USO1: variants seen among roughly 807,000 people sequenced by gnomAD.
USO1 encodes general vesicular transport factor p115.
USO1 carries 57 observed loss-of-function variants against 124.5 expected under a neutral mutation model. That is an observed-to-expected ratio of 0.46 (90% CI 0.37 to 0.57). The LOEUF is 0.57. USO1 is among the 20% of genes least tolerant of loss of function. The pLI, the probability that USO1 is intolerant of heterozygous loss-of-function variation, is 0.00. For synonymous variants in USO1, 369 were observed against 362.8 expected (o/e 1.02, Z -0.19); for missense variants, 900 against 1,040.6 (o/e 0.86, Z 1.86).
chr4:75,813,094 C>T (rs749678916), intron 23 of USO1, 112 bp from the exon 24 acceptor site: 30 of 1,129,620 alleles, frequency 2.7e-5, no homozygotes, highest in Admixed American at 3.6e-5. Context: ...GCCTGGGTAA[C>T]GAGCAAAACT....
intron 8 of USO1, among the ~76,000 whole-genome samples, chr4:75,776,239 C>CT (rs1722070500): frequency 6.6e-6 from 1 of 152,146 alleles, no homozygotes; most frequent in African/African-American, 2.4e-5. Context: ...CTTCAACATG[C>CT]TGACTCTAAG....
At chr4:75,779,372 A>G (rs539072849) in intron 8 of USO1, among the ~76,000 whole-genome samples, 4 of 152,370 alleles carry the variant, frequency 2.6e-5, no homozygotes, top group African/African-American at 9.6e-5. Flanking sequence ...TGCTGAAGAT[A>G]CAGAGGAAGG....
intron 8 of USO1, 59 bp from the exon 9 acceptor site, chr4:75,782,621 G>A (rs923571900): frequency 6.7e-7 from 1 of 1,494,674 alleles, no homozygotes; most frequent in East Asian, 2.5e-5. Context: ...AAAAATGTTT[G>A]GGAGTTTTGC....
In USO1 at chr4:75,728,959, G is replaced by A. The variant is rs998852301; in HGVS notation, c.66+4074G>A. 5.3e-5 allele frequency among the ~76,000 whole-genome samples: 8 copies of A among 151,848 alleles called. No individual in the cohort carries two copies. The South Asian group carries it at 6.2e-4, about 12-fold the overall frequency. The stretch of plus-strand genomic sequence containing the variant: ...GACTACAGGTGTCTGCCACCACACC[G>A]GCTAATTTTTGTATTTTTAGTGGAG... On this transcript the variant is annotated intron_variant, in intron 1 of 23. Coordinates refer to ENST00000514213, the MANE Select transcript of USO1 (RefSeq NM_003715.4).
Position 75,782,866 on chromosome 4 carries a change from ATCCTT to A in USO1, c.855+9_855+13del, listed in dbSNP as rs759280543. 2.6e-6 allele frequency: 4 copies of A among 1,556,872 alleles called. No homozygotes were observed. The highest frequency in any genetic ancestry group is 3.4e-6 in the Non-Finnish European group (4 of 1,162,386). On this transcript the variant is annotated intron_variant, in intron 9 of 23. Transcript: ENST00000514213. ...CTACATCTAATGCTACAGGTATACTATCCTTAGACATAAATGTGGTAAGAATTTTG... is the reference window on the plus strand; with the variant it reads ...CTACATCTAATGCTACAGGTATACTAAGACATAAATGTGGTAAGAATTTTG...
intron 1 of USO1, among the ~76,000 whole-genome samples, chr4:75,729,273 C>T (rs1206121314): frequency 2.0e-5 from 3 of 151,920 alleles, no homozygotes; most frequent in African/African-American, 7.3e-5. Context: ...CCACCAGGGA[C>T]TTCATGCTTT....
chr4:75,754,850 T>G (rs1327770923), intron 3 of USO1, among the ~76,000 whole-genome samples: 1 of 152,232 alleles, frequency 6.6e-6, no homozygotes, highest in African/African-American at 2.4e-5. Context: ...ACAAATTACT[T>G]CAAAACTTAG....
At chr4:75,795,559 A>G (rs1722654081) in intron 13 of USO1, among the ~76,000 whole-genome samples, 1 of 152,154 alleles carries the variant, frequency 6.6e-6, no homozygotes, top group African/African-American at 2.4e-5. Flanking sequence ...GTTACTAAAC[A>G]CTGTGGGAAT....
chr4:75,747,009 T>G (rs768076937), intron 1 of USO1, among the ~76,000 whole-genome samples: 7 of 152,176 alleles, frequency 4.6e-5, no homozygotes, highest in Non-Finnish European at 8.8e-5. Context: ...TGAAGATTCA[T>G]AGGTGCCAGG....
rs752968491 is a variant in USO1, at chr4:75,770,980, A to G, written c.499+56A>G. 7.7e-4 allele frequency: 1,234 copies of G among 1,598,924 alleles called. 4 individuals are homozygous for G. The highest frequency in any genetic ancestry group is 1.6e-3 in the Admixed American group (87 of 55,614). ...GATTCAAGCATGAGTATCATTTCCT[A>G]GAGAAAGGGACTGAAATGGTGTGTT... is the stretch of plus-strand genomic sequence containing the variant. On this transcript the variant is annotated intron_variant, in intron 6 of 23. Transcript: ENST00000514213.
At chr4:75,733,745 T>A (rs1033837084) in intron 1 of USO1, among the ~76,000 whole-genome samples, 1 of 152,114 alleles carries the variant, frequency 6.6e-6, no homozygotes, top group African/African-American at 2.4e-5. Flanking sequence ...GGTTTGCAGA[T>A]GTTTTCTCCC....
chr4:75,795,708 G>A (rs538420209), intron 13 of USO1, among the ~76,000 whole-genome samples: 77 of 151,974 alleles, frequency 5.1e-4, no homozygotes, highest in African/African-American at 1.7e-3. Flanking sequence ...GTAGAATTCA[G>A]GATTAAGAAT....
intron 17 of USO1, among the ~76,000 whole-genome samples, chr4:75,803,522 C>T (rs543026084): frequency 5.5e-4 from 83 of 151,524 alleles, no homozygotes; most frequent in African/African-American, 1.8e-3. Flanking sequence ...TGGCAGCGGG[C>T]GCCTGTAATC....
At chr4:75,769,189 C>A (rs575186534) in intron 4 of USO1, among the ~76,000 whole-genome samples, 29 of 152,302 alleles carry the variant, frequency 1.9e-4, no homozygotes, top group African/African-American at 5.8e-4. Context: ...GCCTCCTGAC[C>A]TGTCTCCCTA....
At chr4:75,739,640 G>A (rs1404910725) in intron 1 of USO1, among the ~76,000 whole-genome samples, 3 of 140,684 alleles carry the variant, frequency 2.1e-5, no homozygotes, top group Non-Finnish European at 4.5e-5. Context: ...TCCGCCTCCC[G>A]AGTTTAAGTG....
chr4:75,790,887 A>G, intron 12 of USO1, 90 bp downstream of exon 12: 1 of 1,387,332 alleles, frequency 7.2e-7, no homozygotes, highest in Non-Finnish European at 9.4e-7. Context: ...GCTTTAGCCT[A>G]AAATACTTTG....
chr4:75,744,026 ATG>A (rs1721047024), intron 1 of USO1, among the ~76,000 whole-genome samples: 3 of 152,016 alleles, frequency 2.0e-5, no homozygotes, highest in Non-Finnish European at 4.4e-5. Context: ...TCCGCCCGCC[ATG>A]GCCTCCCAAA....
chr4:75,749,418 A>G (rs1721233147), intron 1 of USO1, among the ~76,000 whole-genome samples: 1 of 150,300 alleles, frequency 6.7e-6, no homozygotes, highest in African/African-American at 2.4e-5. Context: ...TTTTTAATGG[A>G]GAAACAAGGT....
At chr4:75,789,789 T>TA (rs1722474944) in intron 10 of USO1, among the ~76,000 whole-genome samples, 1 of 152,144 alleles carries the variant, frequency 6.6e-6, no homozygotes, top group Admixed American at 6.5e-5. Flanking sequence ...TTTCTGTTTT[T>TA]ATAAAATATT....
Sources: gnomAD v4.1 joint callset for allele counts (sites outside exome capture counted in the v4.1 genomes callset) on GRCh38, gnomAD v4.1.1 for gene constraint, MANE v1.5 for transcripts, NCBI Gene and HGNC (gene_info 2026-07-23, HGNC 2026-07-21) for gene names.